Variants in TSNAXIP1 observed in about 807,000 individuals in gnomAD.
TSNAXIP1 encodes the protein translin-associated factor X-interacting protein 1.
Under a neutral mutation model 84.8 loss-of-function variants are expected in TSNAXIP1, and 89 were observed. The observed-to-expected ratio is 1.05, with a 90% CI of 0.88 to 1.25. The LOEUF (loss-of-function observed/expected upper bound fraction) is 1.25. TSNAXIP1 is among the 50% of genes most tolerant of loss of function. The pLI is 0.00. For synonymous variants in TSNAXIP1, 347 were observed against 335.2 expected, an observed-to-expected ratio of 1.04 and a Z score of -0.39; for missense variants, 874 against 887.6, an observed-to-expected ratio of 0.98 and a Z score of 0.20.
chr16:67,820,654 G>A (rs551814195), intron 2 of TSNAXIP1, among the ~76,000 whole-genome samples, 185 bp from the exon 3 acceptor site: 2 of 151,954 alleles, frequency 1.3e-5, no homozygotes, highest in Non-Finnish European at 2.9e-5. Flanking sequence ...CTGAGGCAGA[G>A]AACAGCTTGA....
At chr16:67,823,411 C>T (rs191680596) in intron 4 of TSNAXIP1, among the ~76,000 whole-genome samples, 383 of 152,076 alleles carry the variant, frequency 2.5e-3, no homozygotes, top group African/African-American at 8.9e-3. Context: ...GGTGTGGTGG[C>T]GCGTGCCTGT....
Position 67,826,506 on chromosome 16 carries a change from A to T in TSNAXIP1, c.1345A>T (p.Lys449Ter), listed in dbSNP as rs1371868542. The T allele has an allele frequency of 2.0e-5, 32 of 1,614,158 alleles. No individual in the cohort carries two copies. The highest frequency in any genetic ancestry group is 2.7e-5 in the Non-Finnish European group (32 of 1,180,026). ...CGTGGAGAACAAGAAGCCAAGCAAG[A>T]AGGACGTGGTCAACCTCCTCAAGGA... ...GLVENKKPSKKDVVNLLKDAW... is the reference protein window; with the variant it reads ...GLVENKKPSK Residue 449 changes from lysine (K) to a stop codon, truncating the protein, a stop_gained, in exon 11 of 16, where the codon AAG becomes TAG. Coordinates refer to ENST00000561639, the MANE Select transcript of TSNAXIP1 (RefSeq NM_001288990.3). LOFTEE classifies it high-confidence loss of function.
Position 67,826,824 on chromosome 16 carries a change from T to C in TSNAXIP1, c.1534T>C (p.Tyr512His). Residue 512 changes from tyrosine (Y) to histidine (H), a missense_variant, in exon 12 of 16, where the codon TAT becomes CAT. Transcript: ENST00000561639. The stretch of plus-strand genomic sequence containing the variant: ...CTCCAACGAGGTTATGAGTCAGTTC[T>C]ATGCAGTCTTGATGGGAAAGGTGAG... ...FHSNEVMSQF[Y>H]AVLMGKRSEN... is the part of the protein sequence containing the mutation. 1 of 1,613,838 alleles carries C rather than the reference T, an allele frequency of 6.2e-7. No individual in the cohort carries two copies. The highest frequency in any genetic ancestry group is 8.5e-7 in the Non-Finnish European group (1 of 1,180,032).
At chr16:67,818,724 G>A (rs2056793507) in intron 2 of TSNAXIP1, among the ~76,000 whole-genome samples, 1 of 143,448 alleles carries the variant, frequency 7.0e-6, no homozygotes, top group African/African-American at 2.6e-5. Flanking sequence ...TTTTTTTTGA[G>A]ACAGAGTCTC....
chr16:67,815,528 T>C (rs2056469195), intron 2 of TSNAXIP1, among the ~76,000 whole-genome samples: 1 of 151,660 alleles, frequency 6.6e-6, no homozygotes, highest in Non-Finnish European at 1.5e-5. Flanking sequence ...GGGACAGAGT[T>C]TTGCTCTGAC....
intron 1 of TSNAXIP1, among the ~76,000 whole-genome samples, chr16:67,812,945 G>A (rs576104511): frequency 3.2e-4 from 48 of 152,006 alleles, no homozygotes; most frequent in Middle Eastern, 3.4e-3. Flanking sequence ...CTTTCAGACA[G>A]AGTTTTACTC....
chr16:67,826,904 C>T, intron 12 of TSNAXIP1, 59 bp from the exon 13 acceptor site: 1 of 1,612,410 alleles, frequency 6.2e-7, no homozygotes, highest in Non-Finnish European at 8.5e-7. Flanking sequence ...CTAGCATAGA[C>T]CAGCTTTGCC....
chr16:67,822,693 G>A (rs2057157933), intron 4 of TSNAXIP1, among the ~76,000 whole-genome samples: 1 of 152,164 alleles, frequency 6.6e-6, no homozygotes, highest in African/African-American at 2.4e-5. Context: ...CTTAGTCATT[G>A]ACTAAAGCAT....
intron 1 of TSNAXIP1, chr16:67,807,737 C>T: frequency 4.7e-6 from 1 of 211,012 alleles, no homozygotes. Context: ...CCCACTTCGA[C>T]CTCTCAAACT....
chr16:67,827,182 T>G (rs1397263475), intron 13 of TSNAXIP1, 67 bp from the exon 14 acceptor site: 9 of 1,609,058 alleles, frequency 5.6e-6, no homozygotes, highest in Non-Finnish European at 7.6e-6. Context: ...CACTCCCTTT[T>G]GAGCACTAGG....
In TSNAXIP1 at chr16:67,820,831, C is replaced by T. The variant is rs2056983699; in HGVS notation, c.148-8C>T. On this transcript the variant is annotated splice_polypyrimidine_tract_variant and splice_region_variant and intron_variant, in intron 2 of 15. Transcript: ENST00000561639. ...TGCCATGGCAACCCCACCTGTACCTCCCTGCAGACTGGTCAGTTCTCCATG... is the reference window on the plus strand; with the variant it reads ...TGCCATGGCAACCCCACCTGTACCTTCCTGCAGACTGGTCAGTTCTCCATG... 2 of 1,522,160 alleles carry T rather than the reference C, an allele frequency of 1.3e-6. No individual in the cohort carries two copies. Among genetic ancestry groups the T allele is most frequent in the Non-Finnish European group, 1.8e-6 (2 of 1,133,998 alleles). The allele number at this position is 1,522,160 out of a possible 1,614,324, so 94.3% of individuals were successfully genotyped here.
chr16:67,825,450 G>A (rs1412812158), intron 7 of TSNAXIP1, among the ~76,000 whole-genome samples, 178 bp downstream of exon 7: 1 of 152,172 alleles, frequency 6.6e-6, no homozygotes, highest in East Asian at 1.9e-4. Flanking sequence ...ACTGAGAATT[G>A]TAGGAACACA....
At chr16:67,815,966 ATTTTTTT>A (rs59743468) in intron 2 of TSNAXIP1, among the ~76,000 whole-genome samples, 48 of 124,042 alleles carry the variant, frequency 3.9e-4, no homozygotes, top group Admixed American at 8.2e-4. Context: ...TGCCCGGCTA[ATTTTTTT>A]TTTTTTTTTT....
At position 67,820,910 on chromosome 16, in the gene TSNAXIP1, A is replaced by C. The variant is rs866844012; in HGVS notation, c.219A>C (p.Gln73His). The C allele has an allele frequency of 3.1e-6, 5 of 1,604,840 alleles. No individual in the cohort carries two copies. The African/African-American group carries it at 5.3e-5, about 17-fold the overall frequency. Residue 73 changes from glutamine to histidine, a missense_variant, in exon 3 of 16, where the codon CAA becomes CAC. Physicochemically the swap from Gln to His is conservative, Grantham distance 24 (BLOSUM62 0). Coordinates refer to ENST00000561639, the MANE Select transcript of TSNAXIP1 (RefSeq NM_001288990.3). ...PTYTSGQTILQNRKPCSDDYR... is the reference protein window; with the variant it reads ...PTYTSGQTILHNRKPCSDDYR... The stretch of plus-strand genomic sequence containing the variant: ...ACACCAGTGGCCAGACCATTTTGCA[A>C]AATCGAAAACCCTGTTCAGATGACT...
At chr16:67,825,020 C>T in intron 6 of TSNAXIP1, 117 bp from the exon 7 acceptor site, 1 of 1,396,560 alleles carries the variant, frequency 7.2e-7, no homozygotes, top group Non-Finnish European at 9.7e-7. Context: ...CTTCTTTCAC[C>T]TTTCCTGTTC....
chr16:67,825,553 C>A, intron 7 of TSNAXIP1, 114 bp from the exon 8 acceptor site: 1 of 1,402,088 alleles, frequency 7.1e-7, no homozygotes, highest in Non-Finnish European at 9.7e-7. Context: ...AAACCCTAGG[C>A]TGGTAGTGCT....
chr16:67,821,926 A>G (rs1178230075), intron 4 of TSNAXIP1, among the ~76,000 whole-genome samples: 2 of 152,000 alleles, frequency 1.3e-5, no homozygotes, highest in African/African-American at 2.4e-5. Context: ...CAGAGGTTGC[A>G]GTGAGCCGAG....
At position 67,826,703 on chromosome 16, in the gene TSNAXIP1, C is replaced by T. The variant is rs1319105056; in HGVS notation, c.1413C>T (p.Phe471=). 7 of 1,613,496 alleles carry T rather than the reference C, an allele frequency of 4.3e-6. No individual in the cohort carries two copies. Among genetic ancestry groups the T allele is most frequent in the African/African-American group, 1.3e-5 (1 of 74,870 alleles). The change falls in exon 12 of 16, where the codon TTC becomes TTT. Residue 471 remains phenylalanine (F), a synonymous_variant. Transcript: ENST00000561639. The stretch of plus-strand genomic sequence containing the variant: ...CCTCGATCCCGCAGAAAGAGACGTT[C>T]CCAGATTTCTTCTTCAATTTCCTGG... ...ERLAEEQKET[F]PDFFFNFLEH...
intron 2 of TSNAXIP1, among the ~76,000 whole-genome samples, chr16:67,817,086 C>T (rs1366888095): frequency 5.9e-5 from 9 of 152,032 alleles, no homozygotes; most frequent in Non-Finnish European, 1.3e-4. Context: ...CTGCCTCAGC[C>T]TCCCTAGTAG....
Sources: allele counts gnomAD v4.1 joint callset (sites outside exome capture counted in the v4.1 genomes callset), GRCh38; gene constraint gnomAD v4.1.1; transcripts MANE v1.5; gene names NCBI Gene and HGNC (gene_info 2026-07-23, HGNC 2026-07-21).